KANK1: variants seen among roughly 807,000 people sequenced by gnomAD.
The protein encoded by KANK1 is KN motif and ankyrin repeat domains 1.
A neutral mutation model predicts 106.2 loss-of-function variants in KANK1; 109 were observed. That is an observed-to-expected ratio of 1.03 (90% CI 0.88 to 1.20). The LOEUF is 1.20. Ranked by LOEUF, KANK1 falls within the 50% of genes most tolerant of loss-of-function variation. The probability of loss-of-function intolerance (pLI) is 0.00; values close to 1 mark genes in which losing one functional copy is unlikely to be tolerated. For missense variants in KANK1, 2,399 were observed against 1,710.7 expected (o/e 1.40, Z -7.10); for synonymous variants, 873 against 652.2 (o/e 1.34, Z -5.16).
At chr9:599,732 AAAAC>A (rs1364843834) in intron 1 of KANK1, among the ~76,000 whole-genome samples, 2 of 151,880 alleles carry the variant, frequency 1.3e-5, no homozygotes, top group Non-Finnish European at 2.9e-5. Context: ...TGAGGGATGC[AAAAC>A]TTGCATAAAG....
intron 1 of KANK1, among the ~76,000 whole-genome samples, chr9:579,061 C>T (rs765882019): frequency 6.6e-6 from 1 of 152,124 alleles, no homozygotes; most frequent in Non-Finnish European, 1.5e-5. Context: ...CAGAGTATTC[C>T]GCATGCAAGC....
chr9:504,063 G>A (rs892659428), upstream of KANK1, among the ~76,000 whole-genome samples: 6 of 152,136 alleles, frequency 3.9e-5, no homozygotes, highest in African/African-American at 1.4e-4. Flanking sequence ...TGCTGACGAG[G>A]CACCTGCAGG....
intron 1 of KANK1, among the ~76,000 whole-genome samples, chr9:641,326 C>T (rs527585951): frequency 2.0e-4 from 30 of 152,268 alleles, no homozygotes; most frequent in African/African-American, 6.5e-4. Flanking sequence ...ACCTAATCGT[C>T]GTTTCCTGAG....
intron 1 of KANK1, among the ~76,000 whole-genome samples, chr9:513,275 C>G (rs1384358015): frequency 6.6e-6 from 1 of 152,230 alleles, no homozygotes; most frequent in African/African-American, 2.4e-5. Flanking sequence ...AATGAAGAAT[C>G]TTATTACAGA....
intron 1 of KANK1, among the ~76,000 whole-genome samples, chr9:584,985 TA>T (rs1056755203): frequency 1.1e-4 from 16 of 152,302 alleles, no homozygotes; most frequent in Admixed American, 7.8e-4. Context: ...AAACTGCCCT[TA>T]GGGGTCATGA....
rs778235058 is a variant in KANK1 at position 742,414 on chromosome 9, T to A, written c.3897+9T>A. The A allele has an allele frequency of 6.2e-7, 1 of 1,605,698 alleles. No individual in the cohort carries two copies. Among genetic ancestry groups the A allele is most frequent in the Non-Finnish European group, 8.5e-7 (1 of 1,174,962 alleles). On this transcript the variant is annotated intron_variant, in intron 10 of 11. Transcript: ENST00000382297. ...GTCACCTAGAGGACAACGTAAGCTG[T>A]CTCCATTGGGCCTCCTGGCCAGGGG...
chr9:702,615 C>CT (rs1406770597), intron 2 of KANK1, among the ~76,000 whole-genome samples: 3 of 152,204 alleles, frequency 2.0e-5, no homozygotes, highest in Non-Finnish European at 4.4e-5. Flanking sequence ...TCGGTCTGCA[C>CT]TTCCCACTGG....
intron 1 of KANK1, among the ~76,000 whole-genome samples, chr9:636,863 C>G (rs935448473): frequency 6.6e-6 from 1 of 152,170 alleles, no homozygotes; most frequent in Non-Finnish European, 1.5e-5. Context: ...GACTCCGTCT[C>G]AAAATAAAAA....
intron 1 of KANK1, among the ~76,000 whole-genome samples, chr9:528,367 A>G (rs2059900242): frequency 1.4e-5 from 2 of 147,976 alleles, no homozygotes; most frequent in South Asian, 4.3e-4. Context: ...TGATTATCTT[A>G]CCTTTTTCTC....
intron 1 of KANK1, among the ~76,000 whole-genome samples, chr9:616,047 C>G (rs779709769): frequency 6.6e-6 from 1 of 152,146 alleles, no homozygotes; most frequent in Admixed American, 6.5e-5. Context: ...TCTTCTGTAT[C>G]CGTCCTACCA....
At chr9:506,693 T>C (rs1454386564) in intron 1 of KANK1, among the ~76,000 whole-genome samples, 1 of 152,224 alleles carries the variant, frequency 6.6e-6, no homozygotes, top group East Asian at 1.9e-4. Context: ...CATTCAAGAC[T>C]AGTTTCATTT....
chr9:623,255 A>G (rs1433974948), intron 1 of KANK1, among the ~76,000 whole-genome samples: 3 of 152,148 alleles, frequency 2.0e-5, no homozygotes, highest in Non-Finnish European at 4.4e-5. Context: ...ACCTTAATAG[A>G]CACTTTTCCA....
Position 593,064 on chromosome 9 carries a change from A to C in KANK1, c.-83-83826A>C, listed in dbSNP as rs575662642. Among the ~76,000 whole-genome samples, 202 of 151,958 alleles carry C rather than the reference A, an allele frequency of 1.3e-3. 2 individuals carry two copies. Among genetic ancestry groups the C allele is most frequent in the South Asian group, 1.9e-3 (9 of 4,820 alleles). ...TATTTGTTCAATATCTAATGCTAGT[A>C]GACAATCTTGTTTTAGATAATTCTG... On this transcript the variant is annotated intron_variant, in intron 1 of 11. Coordinates refer to ENST00000382297, the MANE Select transcript of KANK1 (RefSeq NM_015158.5).
intron 3 of KANK1, among the ~76,000 whole-genome samples, chr9:724,555 TG>T (rs539651536): frequency 2.6e-5 from 4 of 152,234 alleles, no homozygotes; most frequent in African/African-American, 7.2e-5. Flanking sequence ...CCCAGAACTT[TG>T]GGAGGCCGAG....
chr9:645,126 CAA>C (rs56391632), intron 1 of KANK1, among the ~76,000 whole-genome samples: 2 of 71,116 alleles, frequency 2.8e-5, no homozygotes, highest in African/African-American at 6.4e-5. Context: ...TCCATCTCTA[CAA>C]AAAAAAAAAA....
chr9:702,241 G>A (rs947806855), intron 2 of KANK1, among the ~76,000 whole-genome samples: 1 of 152,064 alleles, frequency 6.6e-6, no homozygotes, highest in African/African-American at 2.4e-5. Flanking sequence ...CAGAGATGAT[G>A]CCAACCTAAG....
At chr9:597,503 T>A (rs925889581) in intron 1 of KANK1, among the ~76,000 whole-genome samples, 8 of 151,834 alleles carry the variant, frequency 5.3e-5, no homozygotes, top group Admixed American at 5.2e-4. Context: ...CATTTGTATA[T>A]CTTCTTTGGA....
intron 2 of KANK1, among the ~76,000 whole-genome samples, chr9:695,836 C>T (rs1821128606): frequency 2.0e-5 from 3 of 152,176 alleles, no homozygotes; most frequent in African/African-American, 4.8e-5. Flanking sequence ...AGCCAGGATT[C>T]AAACCCAGGC....
At chr9:740,284 C>T (rs1835065569) in intron 8 of KANK1, among the ~76,000 whole-genome samples, 1 of 152,154 alleles carries the variant, frequency 6.6e-6, no homozygotes, top group Admixed American at 6.5e-5. Flanking sequence ...GATTGGAATT[C>T]TGCTTTTCAG....
Sources: allele counts gnomAD v4.1 joint callset (sites outside exome capture counted in the v4.1 genomes callset), GRCh38; gene constraint gnomAD v4.1.1; transcripts MANE v1.5; gene names NCBI Gene and HGNC (gene_info 2026-07-23, HGNC 2026-07-21).